The following CASP6 variants were observed in gnomAD, a reference collection of about 807,000 sequenced individuals.
The protein encoded by CASP6 is caspase 6, also known as caspase-6.
A neutral mutation model predicts 31.8 loss-of-function variants in CASP6; 20 were observed. The ratio of observed to expected loss-of-function variants is 0.63; its 90% CI spans 0.44 to 0.91. The LOEUF (loss-of-function observed/expected upper bound fraction) is 0.91, where lower values mean the gene tolerates loss of function less well. Ranked by LOEUF, CASP6 falls within the 40% of genes least tolerant of loss-of-function variation. The pLI is 0.00. For synonymous variants in CASP6, 130 were observed against 127.8 expected (o/e 1.02, Z -0.12); for missense variants, 328 against 361.1 (o/e 0.91, Z 0.74).
chr4:109,699,939 A>G (rs991015626), intron 1 of CASP6, among the ~76,000 whole-genome samples: 3 of 152,226 alleles, frequency 2.0e-5, no homozygotes, highest in African/African-American at 7.2e-5. Context: ...AATTAAATCC[A>G]TATGTCACAA....
chr4:109,682,106 G>A, the CASP6 span, among the ~76,000 whole-genome samples: 13 of 152,238 alleles, frequency 8.5e-5, no homozygotes, highest in East Asian at 1.9e-3. Flanking sequence ...TGCAAGCCCC[G>A]TGTTTAAAGG....
the CASP6 span, chr4:109,682,520 G>A: frequency 7.1e-7 from 1 of 1,398,874 alleles, no homozygotes; most frequent in Non-Finnish European, 9.8e-7. Context: ...GGGACCGAAA[G>A]ATTTACACAC....
chr4:109,706,002 AT>A (rs1246838395), upstream of CASP6, among the ~76,000 whole-genome samples: 753 of 18,334 alleles, frequency 0.041, 19 homozygotes, highest in Non-Finnish European at 0.048. Context: ...AAAAAAAAAA[AT>A]ATATATATAT....
rs150892756 is a variant in CASP6 at position 109,697,754 on chromosome 4, G to A, written c.98C>T (p.Pro33Leu). 79 of 1,612,218 alleles carry A rather than the reference G, an allele frequency of 4.9e-5. No individual in the cohort carries two copies. Among genetic ancestry groups the A allele is most frequent in the Admixed American group, 8.4e-5 (5 of 59,644 alleles). The change falls in exon 3 of 7, where the codon CCG becomes CTG. Residue 33 changes from proline to leucine, a missense_variant. Physicochemically the swap from Pro to Leu is moderately conservative, Grantham distance 98. Coordinates refer to ENST00000265164, the MANE Select transcript of CASP6 (RefSeq NM_001226.4). ...DAFYKREMFD[P>L]AEKYKMDHRR... ...GTGGTCCATTTTGTACTTTTCTGCC[G>A]GATCAAACATTTCTCTGTTAATGAA... is the stretch of plus-strand genomic sequence containing the variant.
intron 1 of CASP6, among the ~76,000 whole-genome samples, chr4:109,702,514 A>C (rs549380545): frequency 1.3e-4 from 20 of 151,876 alleles, no homozygotes; most frequent in African/African-American, 4.3e-4. Context: ...ACGGGGTTTC[A>C]CCGTGTTAGT....
At chr4:109,690,647 C>T (rs1258812924) in intron 6 of CASP6, among the ~76,000 whole-genome samples, 1 of 152,130 alleles carries the variant, frequency 6.6e-6, no homozygotes, top group Admixed American at 6.6e-5. Context: ...CAACATAACT[C>T]TCAGGAATTA....
At chr4:109,693,684 C>CAAA (rs1203586044) in intron 5 of CASP6, among the ~76,000 whole-genome samples, 1 of 71,026 alleles carries the variant, frequency 1.4e-5, no homozygotes, top group Non-Finnish European at 3.1e-5. Context: ...GACTCCATCT[C>CAAA]AAAAAAAAAA....
At chr4:109,671,516 C>G in the CASP6 span, among the ~76,000 whole-genome samples, 2 of 152,244 alleles carry the variant, frequency 1.3e-5, no homozygotes, top group Admixed American at 1.3e-4. Context: ...TACTGATGAG[C>G]CCATCAAAGG....
downstream of CASP6, chr4:109,685,175 G>A: frequency 1.5e-6 from 1 of 686,838 alleles, no homozygotes; most frequent in Admixed American, 2.2e-5. Context: ...GTGTTGCTGA[G>A]TCAAGTATCT....
Position 109,689,127 on chromosome 4 carries a change from C to T in CASP6, c.*203G>A, listed in dbSNP as rs1294305695. On this transcript the variant is annotated 3_prime_UTR_variant, in exon 7 of 7. Coordinates refer to ENST00000265164, the MANE Select transcript of CASP6 (RefSeq NM_001226.4). ...AGTAGCTGGGATTGCAGGCATGCGC[C>T]GCCATGCCTAGCTAAATTTTTTTTT... 9 of 450,996 alleles carry T rather than the reference C, an allele frequency of 2.0e-5. No homozygotes were observed. Among genetic ancestry groups the T allele is most frequent in the East Asian group, 8.1e-5 (2 of 24,722 alleles). The allele number at this position is 450,996 out of a possible 1,614,324, so 27.9% of individuals were successfully genotyped here. A position where few individuals can be genotyped will look rare whatever the true frequency, so the allele number is the denominator to read the frequency against.
downstream of CASP6, chr4:109,684,306 C>T: frequency 1.7e-6 from 1 of 589,616 alleles, no homozygotes; most frequent in Non-Finnish European, 2.9e-6. Flanking sequence ...TCGTGATCCG[C>T]CCACCTCGGC....
At position 109,689,049 on chromosome 4, in the gene CASP6, C is replaced by T. The variant is rs1729938329; in HGVS notation, c.*281G>A. Reference sequence around the variant, plus strand: ...GGAGTGCAATGGCGCAATCTCGGCTCACCGCAGCCTCCACCTCCTGGGTTC... The same window carrying T: ...GGAGTGCAATGGCGCAATCTCGGCTTACCGCAGCCTCCACCTCCTGGGTTC... On this transcript the variant is annotated 3_prime_UTR_variant, in exon 7 of 7. Transcript: ENST00000265164. 1 of 266,902 alleles carries T rather than the reference C, an allele frequency of 3.7e-6. No individual in the cohort carries two copies. The highest frequency in any genetic ancestry group is 5.5e-5 in the South Asian group (1 of 18,140). The allele number at this position is 266,902 out of a possible 1,614,324, so 16.5% of individuals were successfully genotyped here.
the CASP6 span, among the ~76,000 whole-genome samples, chr4:109,678,245 C>T: frequency 5.9e-5 from 9 of 152,190 alleles, no homozygotes; most frequent in South Asian, 1.9e-3. Context: ...ACAATCTGAT[C>T]TCTCTTTCTT....
rs1008951982 is a variant in CASP6 at position 109,693,409 on chromosome 4, C to T, written c.483+1116G>A. Among the ~76,000 whole-genome samples, 3 of 152,154 alleles carry T rather than the reference C, an allele frequency of 2.0e-5. No individual in the cohort carries two copies. The East Asian group carries it at 5.8e-4, about 29-fold the overall frequency. ...TCTTTTGTAGTTCAAAATCTTTGGC[C>T]GGGCACAGTGGCTCACGCCTGTAAT... On this transcript the variant is annotated intron_variant, in intron 5 of 6. Coordinates refer to ENST00000265164, the MANE Select transcript of CASP6 (RefSeq NM_001226.4).
the CASP6 span, among the ~76,000 whole-genome samples, chr4:109,677,135 A>C: frequency 1.3e-5 from 2 of 152,308 alleles, no homozygotes; most frequent in African/African-American, 4.8e-5. Flanking sequence ...GATTGTTCTG[A>C]AGTTTTAAGA....
chr4:109,705,999 AAAATAT>A (rs1291945871), upstream of CASP6, among the ~76,000 whole-genome samples: 5 of 35,988 alleles, frequency 1.4e-4, no homozygotes, highest in South Asian at 1.6e-3. Flanking sequence ...AAAAAAAAAA[AAAATAT>A]ATATATATAT....
chr4:109,686,698 A>C (rs561765859), downstream of CASP6, among the ~76,000 whole-genome samples: 3 of 152,184 alleles, frequency 2.0e-5, no homozygotes, highest in South Asian at 6.2e-4. Flanking sequence ...ACATAGTGAG[A>C]CCTCATCTCT....
At chr4:109,706,367 T>C (rs1242579705), upstream of CASP6, among the ~76,000 whole-genome samples, 1 of 151,594 alleles carries the variant, frequency 6.6e-6, no homozygotes, top group African/African-American at 2.4e-5. Context: ...CCTGAAAATG[T>C]GGCTGCATTG....
intron 3 of CASP6, among the ~76,000 whole-genome samples, chr4:109,696,781 G>GTTTTT (rs757024540): frequency 3.2e-5 from 4 of 126,728 alleles, no homozygotes; most frequent in African/African-American, 6.0e-5. Context: ...ACTCAGGCAA[G>GTTTTT]TTTTTTTTTT....
Sources: gnomAD v4.1 joint callset for allele counts (sites outside exome capture counted in the v4.1 genomes callset) on GRCh38, gnomAD v4.1.1 for gene constraint, MANE v1.5 for transcripts, NCBI Gene and HGNC (gene_info 2026-07-23, HGNC 2026-07-21) for gene names.